The following NAA25 variants were observed in gnomAD, a reference collection of about 807,000 sequenced individuals.
The protein encoded by NAA25 is N-terminal acetyltransferase B complex subunit NAA25.
In NAA25, 30 loss-of-function variants were observed where a neutral mutation model predicts 132.5. That is an observed-to-expected ratio of 0.23 (90% confidence interval 0.17 to 0.31). The LOEUF (loss-of-function observed/expected upper bound fraction) is 0.31, where lower values mean the gene tolerates loss of function less well. Among genes scored for constraint, NAA25 ranks in the 10% least tolerant of loss-of-function variants. The pLI, the probability that NAA25 is intolerant of heterozygous loss-of-function variation, is 1.00. For missense variants in NAA25, 771 were observed against 1,150.4 expected, an observed-to-expected ratio of 0.67 and a Z score of 4.77; for synonymous variants, 359 against 401.9, an observed-to-expected ratio of 0.89 and a Z score of 1.28.
intron 3 of NAA25, 103 bp downstream of exon 3, chr12:112,090,623 T>A (rs376761085): frequency 2.0e-5 from 24 of 1,183,264 alleles, no homozygotes; most frequent in Non-Finnish European, 2.9e-5. Flanking sequence ...CTACCTACTG[T>A]ATCCATTCAA....
Position 112,069,052 on chromosome 12 carries a change from G to C in NAA25, c.1037-60C>G, listed in dbSNP as rs7958564. 21,948 of 970,794 alleles carry C rather than the reference G, an allele frequency of 0.023. 282 individuals carry two copies. The highest frequency in any genetic ancestry group is 0.051 in the Middle Eastern group (239 of 4,704). 60.1% of individuals were successfully genotyped at this position (970,794 alleles called of 1,614,324 possible). On this transcript the variant is annotated intron_variant, in intron 10 of 23. Transcript: ENST00000261745. ...ATGAACAGAAGCAATTTCTATTTAA[G>C]TGAGAATTAATTTGAAAACATTCAT...
chr12:112,047,835 C>A (rs2078410657), intron 16 of NAA25, 45 bp from the exon 17 acceptor site: 2 of 1,529,870 alleles, frequency 1.3e-6, no homozygotes, highest in African/African-American at 1.4e-5. Context: ...AGTAAAATAG[C>A]CAGAAAATAT....
chr12:112,048,166 C>A (rs1298714585), intron 16 of NAA25, 126 bp downstream of exon 16: 1 of 884,630 alleles, frequency 1.1e-6, no homozygotes, highest in Admixed American at 2.8e-5. Flanking sequence ...TGTTTCCCCA[C>A]TGTCTCTCTC....
chr12:112,068,918 C>T lies in NAA25; in HGVS notation c.1111G>A (p.Val371Met). 1 of 1,613,434 alleles carries T rather than the reference C, an allele frequency of 6.2e-7. No homozygotes were observed. The highest frequency in any genetic ancestry group is 8.5e-7 in the Non-Finnish European group (1 of 1,179,546). Residue 371 changes from valine (V) to methionine (M), a missense_variant, in exon 11 of 24, where the codon GTG becomes ATG. Val to Met is a conservative substitution (Grantham distance 21, BLOSUM62 1). Transcript: ENST00000261745. ...DKPCCFTDLK[V>M]FVDLLPATQC... The stretch of plus-strand genomic sequence containing the variant: ...GTAGCAGGTAAGAGGTCAACAAACA[C>T]CTTAAGGTCTGTAAAACAACAAGGT...
At chr12:112,067,962 T>A (rs2078743834) in intron 11 of NAA25, among the ~76,000 whole-genome samples, 1 of 152,182 alleles carries the variant, frequency 6.6e-6, no homozygotes, top group Non-Finnish European at 1.5e-5. Context: ...GGTCTTGAAC[T>A]CCTGACCTCA....
intron 16 of NAA25, 74 bp downstream of exon 16, chr12:112,048,218 C>T (rs1191982413): frequency 6.3e-6 from 9 of 1,426,674 alleles, no homozygotes; most frequent in South Asian, 1.3e-5. Context: ...CCAATAACAC[C>T]CATGAGCCCA....
At chr12:112,065,330 C>G (rs2078700012) in intron 11 of NAA25, among the ~76,000 whole-genome samples, 1 of 152,140 alleles carries the variant, frequency 6.6e-6, no homozygotes, top group Non-Finnish European at 1.5e-5. Context: ...AACCCCATCT[C>G]TACTAAAAAT....
intron 21 of NAA25, 140 bp from the exon 22 acceptor site, chr12:112,039,479 T>C: frequency 1.8e-6 from 1 of 563,254 alleles, no homozygotes; most frequent in Non-Finnish European, 3.1e-6. Flanking sequence ...ATCTCCACTC[T>C]ACTTTCTGCA....
At chr12:112,089,509 T>A (rs2079101500) in intron 3 of NAA25, among the ~76,000 whole-genome samples, 1 of 152,214 alleles carries the variant, frequency 6.6e-6, no homozygotes, top group Non-Finnish European at 1.5e-5. Context: ...TATAGCCACT[T>A]GGCTATTAGA....
chr12:112,049,468 T>G lies in NAA25; in HGVS notation c.1729-1025A>C. 1 of 985,874 alleles carries G rather than the reference T, an allele frequency of 1.0e-6. No individual in the cohort carries two copies. Among genetic ancestry groups the G allele is most frequent in the Non-Finnish European group, 1.2e-6 (1 of 829,948 alleles). 61.1% of individuals were successfully genotyped at this position (985,874 alleles called of 1,614,324 possible). On this transcript the variant is annotated intron_variant, in intron 15 of 23. Transcript: ENST00000261745. The surrounding 1 kb of genome is among the most constrained non-coding windows in gnomAD (Gnocchi z 4.7). ...TTTGCCCAGTAGGAAAATAGGCCAA[T>G]AGTCAACAACATACCCTCTGATATA...
chr12:112,073,940 A>G (rs2078855082), intron 9 of NAA25, among the ~76,000 whole-genome samples: 1 of 152,218 alleles, frequency 6.6e-6, no homozygotes, highest in South Asian at 2.1e-4. Context: ...AAAGAGATCT[A>G]CATGTACCAG....
chr12:112,105,085 C>A lies in NAA25; in HGVS notation c.58+3631G>T, dbSNP rs538484589. 4.0e-5 allele frequency among the ~76,000 whole-genome samples: 6 copies of A among 151,746 alleles called. No homozygotes were observed. The East Asian group carries it at 9.7e-4, about 24-fold the overall frequency. On this transcript the variant is annotated intron_variant, in intron 1 of 23. Transcript: ENST00000261745. ...CTGTAACCCCAGCACTTTGGGAGGCCAAGGCAGGCAGATTGCTTGAGCTCA... is the reference window on the plus strand; with the variant it reads ...CTGTAACCCCAGCACTTTGGGAGGCAAAGGCAGGCAGATTGCTTGAGCTCA...
intron 2 of NAA25, among the ~76,000 whole-genome samples, chr12:112,091,608 G>A (rs532126649): frequency 4.2e-4 from 64 of 151,952 alleles, no homozygotes; most frequent in South Asian, 2.7e-3. Flanking sequence ...TAGGAGGATC[G>A]CTTGAGTCCG....
At chr12:112,055,810 T>C (rs185147098) in intron 13 of NAA25, among the ~76,000 whole-genome samples, 25 of 152,278 alleles carry the variant, frequency 1.6e-4, no homozygotes, top group Non-Finnish European at 2.9e-4. Context: ...TTCCAAAATT[T>C]ATACAAGCTA....
intron 8 of NAA25, 61 bp downstream of exon 8, chr12:112,075,617 C>T: frequency 7.5e-7 from 1 of 1,329,858 alleles, no homozygotes; most frequent in Admixed American, 1.9e-5. Context: ...CCAAGAAAAT[C>T]AATAGTGAGG....
intron 1 of NAA25, among the ~76,000 whole-genome samples, chr12:112,106,563 G>C (rs1213692153): frequency 6.6e-5 from 10 of 152,064 alleles, no homozygotes; most frequent in African/African-American, 2.2e-4. Context: ...CGGGGAAATA[G>C]GAAATCAGAG....
intron 13 of NAA25, among the ~76,000 whole-genome samples, chr12:112,057,452 T>C (rs117102609): frequency 0.04 from 6,137 of 152,306 alleles, 164 homozygotes; most frequent in Non-Finnish European, 0.054. Flanking sequence ...AATGTTTTCA[T>C]GTTAAAATGA....
At chr12:112,080,963 C>A in intron 5 of NAA25, 97 bp downstream of exon 5, 1 of 1,045,166 alleles carries the variant, frequency 9.6e-7, no homozygotes, top group Non-Finnish European at 1.5e-6. Flanking sequence ...GTGACCCTGT[C>A]TCAAACAAAA....
In NAA25 at chr12:112,086,823, C is replaced by G. The variant is rs375349341; in HGVS notation, c.402+860G>C. On this transcript the variant is annotated intron_variant, in intron 4 of 23. Transcript: ENST00000261745. The stretch of plus-strand genomic sequence containing the variant: ...GGTCGGGAGTTTGAGACCAGCCTGA[C>G]CAACATGGAGAAACCCTGTCTCTAT... Among the ~76,000 whole-genome samples the G allele has an allele frequency of 2.8e-4, 43 of 151,990 alleles. 1 individual carries two copies. The East Asian group carries it at 4.1e-3, about 14-fold the overall frequency.
Sources: allele counts gnomAD v4.1 joint callset (sites outside exome capture counted in the v4.1 genomes callset), GRCh38; gene constraint gnomAD v4.1.1; non-coding constraint Gnocchi (gnomAD v3.1); transcripts MANE v1.5; gene names NCBI Gene and HGNC (gene_info 2026-07-23, HGNC 2026-07-21).